TRIM24: variants seen among roughly 807,000 people sequenced by gnomAD.
TRIM24 encodes transcription intermediary factor 1-alpha.
A neutral mutation model predicts 123.9 loss-of-function variants in TRIM24; 29 were observed. The ratio of observed to expected loss-of-function variants is 0.23; its 90% CI spans 0.17 to 0.32. The LOEUF is 0.32. Among genes scored for constraint, TRIM24 ranks in the 10% least tolerant of loss-of-function variants. TRIM24 has a pLI of 1.00. For missense variants in TRIM24, 932 were observed against 1,295.3 expected (o/e 0.72, Z 4.31); for synonymous variants, 456 against 461.1 (o/e 0.99, Z 0.14).
At chr7:138,462,372 G>A (rs558667457) in intron 1 of TRIM24, among the ~76,000 whole-genome samples, 20 of 137,990 alleles carry the variant, frequency 1.4e-4, no homozygotes, top group African/African-American at 5.5e-4. Flanking sequence ...ACGGAGTCTC[G>A]CTCTGTCGCC....
chr7:138,550,573 T>C (rs545317141), intron 7 of TRIM24, among the ~76,000 whole-genome samples: 9 of 151,960 alleles, frequency 5.9e-5, no homozygotes, highest in Non-Finnish European at 5.9e-5. Context: ...TGTGATGATA[T>C]GAGATTCAAA....
intron 6 of TRIM24, among the ~76,000 whole-genome samples, chr7:138,533,471 A>G (rs1796793311): frequency 6.6e-6 from 1 of 152,206 alleles, no homozygotes; most frequent in African/African-American, 2.4e-5. Context: ...TATTGAGATA[A>G]TCATGTAGTT....
chr7:138,462,153 T>G (rs1795000993), intron 1 of TRIM24, among the ~76,000 whole-genome samples: 2 of 152,158 alleles, frequency 1.3e-5, no homozygotes, highest in Non-Finnish European at 2.9e-5. Flanking sequence ...TTATCCAGTA[T>G]AATAAGAATA....
intron 12 of TRIM24, among the ~76,000 whole-genome samples, chr7:138,574,058 C>T (rs1188399326): frequency 6.6e-6 from 1 of 152,214 alleles, no homozygotes; most frequent in Non-Finnish European, 1.5e-5. Context: ...CAGGCATGAG[C>T]CATCATACTA....
Position 138,584,893 on chromosome 7 carries a change from T to G in TRIM24, c.3095T>G (p.Phe1032Cys). Residue 1032 changes from phenylalanine to cysteine, a missense_variant, in exon 19 of 19, where the codon TTT becomes TGT. This residue lies in a region of TRIM24 where 104 missense variants were observed against 121.5 expected (regional missense o/e 0.86). Transcript: ENST00000343526. Reference sequence around the variant, plus strand: ...TTTAGTGATGATTCAGATGATGACTTTGTACAGCCCCGGAAGAAACGCCTC... The same window carrying G: ...TTTAGTGATGATTCAGATGATGACTGTGTACAGCCCCGGAAGAAACGCCTC... ...NKFSDDSDDD[F>C]VQPRKKRLKS... The G allele has an allele frequency of 6.2e-7, 1 of 1,613,808 alleles. No individual in the cohort carries two copies. The highest frequency in any genetic ancestry group is 8.5e-7 in the Non-Finnish European group (1 of 1,179,848).
At chr7:138,500,625 G>A (rs1388306399) in intron 1 of TRIM24, among the ~76,000 whole-genome samples, 2 of 149,654 alleles carry the variant, frequency 1.3e-5, no homozygotes, top group Admixed American at 1.3e-4. Flanking sequence ...TGTAATCACA[G>A]CACTTTGGGA....
Position 138,588,143 on chromosome 7 carries a change from T to C in TRIM24, c.*3192T>C, listed in dbSNP as rs1798049289. On this transcript the variant is annotated 3_prime_UTR_variant, in exon 19 of 19. Coordinates refer to ENST00000343526, the MANE Select transcript of TRIM24 (RefSeq NM_015905.3). ...TCCATAGTCAAAAAAAGGGGGAGTA[T>C]ACAGCTGATTGTTGCATTTATGAAA... 6.6e-6 allele frequency: 1 copy of C among 152,196 alleles called. No individual in the cohort carries two copies. The highest frequency in any genetic ancestry group is 1.5e-5 in the Non-Finnish European group (1 of 68,038). The allele number at this position is 152,196 out of a possible 1,614,324, so 9.4% of individuals were successfully genotyped here. A position where few individuals can be genotyped will look rare whatever the true frequency, so the allele number is the denominator to read the frequency against.
At chr7:138,465,915 A>T (rs995355468) in intron 1 of TRIM24, among the ~76,000 whole-genome samples, 1 of 152,236 alleles carries the variant, frequency 6.6e-6, no homozygotes, top group Non-Finnish European at 1.5e-5. Context: ...GTATGTTTAC[A>T]CTGCTTGTAC....
chr7:138,557,296 C>A (rs1371840485), intron 9 of TRIM24, among the ~76,000 whole-genome samples: 1 of 152,136 alleles, frequency 6.6e-6, no homozygotes, highest in Admixed American at 6.6e-5. Flanking sequence ...TTCATTCCCC[C>A]CTTTGATGCT....
chr7:138,494,805 G>A (rs1795867438), intron 1 of TRIM24, among the ~76,000 whole-genome samples: 1 of 152,046 alleles, frequency 6.6e-6, no homozygotes, highest in Non-Finnish European at 1.5e-5. Flanking sequence ...TTTATCCTTT[G>A]ACCCACAAAC....
intron 17 of TRIM24, among the ~76,000 whole-genome samples, chr7:138,583,302 T>A (rs1797941174): frequency 2.6e-5 from 4 of 152,202 alleles, no homozygotes; most frequent in Non-Finnish European, 5.9e-5. Context: ...TAAGAGGAAA[T>A]ATGTGAAGAC....
intron 1 of TRIM24, among the ~76,000 whole-genome samples, chr7:138,474,187 G>A (rs1023572460): frequency 1.4e-5 from 2 of 147,798 alleles, no homozygotes; most frequent in African/African-American, 2.5e-5. Flanking sequence ...GTGCAGTGGC[G>A]CTATCTCAGC....
At chr7:138,484,176 C>T (rs565769385) in intron 1 of TRIM24, among the ~76,000 whole-genome samples, 5 of 151,074 alleles carry the variant, frequency 3.3e-5, no homozygotes, top group African/African-American at 1.2e-4. Flanking sequence ...ATGGCGCGAT[C>T]TTGTCTCACC....
chr7:138,571,203 C>T (rs67586210), intron 11 of TRIM24, among the ~76,000 whole-genome samples, 200 bp downstream of exon 11: 15,795 of 152,082 alleles, frequency 0.1, 927 homozygotes, highest in South Asian at 0.15. Flanking sequence ...TGATAGCACA[C>T]GCCTGTAATC....
At chr7:138,487,535 T>C (rs1795675499) in intron 1 of TRIM24, among the ~76,000 whole-genome samples, 1 of 152,316 alleles carries the variant, frequency 6.6e-6, no homozygotes. Flanking sequence ...ACCTAGTTTA[T>C]TGAGAGTTTT....
In TRIM24 at chr7:138,508,708, C is replaced by CGTGTGTGT. The variant is rs61703393; in HGVS notation, c.483+4304_483+4311dup. ...GTGTGTGTGTGCGCGCGCGTGTGTG[C>CGTGTGTGT]GTGTGTGTGTGCGTGTGTGTGTGTG... On this transcript the variant is annotated intron_variant, in intron 2 of 18. Coordinates refer to ENST00000343526, the MANE Select transcript of TRIM24 (RefSeq NM_015905.3). Among the ~76,000 whole-genome samples, 50 of 136,284 alleles carry CGTGTGTGT rather than the reference C, an allele frequency of 3.7e-4. 1 individual carries two copies. The highest frequency in any genetic ancestry group is 1.1e-3 in the African/African-American group (42 of 37,386). 89.4% of individuals were successfully genotyped at this position (136,284 alleles called of 152,430 possible).
At chr7:138,520,118 C>T (rs536949535) in intron 4 of TRIM24, among the ~76,000 whole-genome samples, 4 of 152,248 alleles carry the variant, frequency 2.6e-5, no homozygotes, top group African/African-American at 4.8e-5. Flanking sequence ...ATGGTGGGGG[C>T]CTTTTTCTCC....
chr7:138,509,331 A>T (rs1796235387), intron 2 of TRIM24, among the ~76,000 whole-genome samples: 1 of 148,488 alleles, frequency 6.7e-6, no homozygotes, highest in South Asian at 2.1e-4. Context: ...TATATATATA[A>T]TATATTATAT....
intron 18 of TRIM24, among the ~76,000 whole-genome samples, chr7:138,584,227 A>C (rs1797965670): frequency 6.6e-6 from 1 of 152,216 alleles, no homozygotes; most frequent in African/African-American, 2.4e-5. Flanking sequence ...ACTGAAAGAC[A>C]AAATGTTTTT....
Sources: gnomAD v4.1 joint callset for allele counts (sites outside exome capture counted in the v4.1 genomes callset) on GRCh38, gnomAD v4.1.1 for gene constraint, gnomAD v4.1.1 regional missense constraint, MANE v1.5 for transcripts, NCBI Gene and HGNC (gene_info 2026-07-23, HGNC 2026-07-21) for gene names.